ZNF569: variants seen among roughly 807,000 people sequenced by gnomAD.
ZNF569 encodes the protein DNA-binding protein.
Under a neutral mutation model 56.3 loss-of-function variants are expected in ZNF569, and 38 were observed. The ratio of observed to expected loss-of-function variants is 0.68; its 90% CI spans 0.52 to 0.88. ZNF569 has a LOEUF of 0.88. Ranked by LOEUF, ZNF569 falls within the 40% of genes least tolerant of loss-of-function variation. ZNF569 has a pLI of 0.00. For missense variants in ZNF569, 666 were observed against 809.2 expected, an observed-to-expected ratio of 0.82 and a Z score of 2.15; for synonymous variants, 241 against 262.9, an observed-to-expected ratio of 0.92 and a Z score of 0.81.
At chr19:37,450,627 T>TTTA (rs2041576529) in intron 2 of ZNF569, among the ~76,000 whole-genome samples, 1 of 152,140 alleles carries the variant, frequency 6.6e-6, no homozygotes, top group Non-Finnish European at 1.5e-5. Flanking sequence ...ATTTAATTTA[T>TTTA]TTATGCTCTC....
intron 2 of ZNF569, among the ~76,000 whole-genome samples, chr19:37,460,041 A>C (rs1353479806): frequency 1.3e-5 from 2 of 152,234 alleles, no homozygotes; most frequent in African/African-American, 2.4e-5. Context: ...GGAGAAGAGA[A>C]GAAACAAAAC....
intron 3 of ZNF569, among the ~76,000 whole-genome samples, chr19:37,434,851 C>G (rs1355805028): frequency 2.0e-5 from 3 of 152,158 alleles, no homozygotes; most frequent in Non-Finnish European, 4.4e-5. Context: ...AAACATTGCT[C>G]CTAACTCCAC....
chr19:37,466,416 G>A (rs2041837608), intron 1 of ZNF569, among the ~76,000 whole-genome samples: 1 of 152,044 alleles, frequency 6.6e-6, no homozygotes. Flanking sequence ...GATCACCTGC[G>A]GTCAGTTGTT....
chr19:37,462,868 T>C (rs1483803434), intron 2 of ZNF569, among the ~76,000 whole-genome samples: 1 of 152,192 alleles, frequency 6.6e-6, no homozygotes, highest in East Asian at 1.9e-4. Context: ...TCCTAGATCT[T>C]AGATCTCCCT....
At chr19:37,436,542 A>T (rs2041312243) in intron 3 of ZNF569, among the ~76,000 whole-genome samples, 1 of 151,954 alleles carries the variant, frequency 6.6e-6, no homozygotes, top group African/African-American at 2.4e-5. Context: ...AAAATAAAAA[A>T]ATCAGTTTTT....
chr19:37,426,734 T>C (rs1375174905), intron 3 of ZNF569, among the ~76,000 whole-genome samples: 2 of 152,158 alleles, frequency 1.3e-5, no homozygotes, highest in Non-Finnish European at 2.9e-5. Flanking sequence ...GTGAAATCTG[T>C]GGTATGGTGG....
intron 3 of ZNF569, among the ~76,000 whole-genome samples, chr19:37,444,232 G>A (rs2041455603): frequency 6.6e-6 from 1 of 152,080 alleles, no homozygotes; most frequent in Non-Finnish European, 1.5e-5. Context: ...GAGGTAACCA[G>A]TATTCTGACT....
At chr19:37,447,297 G>A (rs1435734116) in intron 2 of ZNF569, among the ~76,000 whole-genome samples, 1 of 152,180 alleles carries the variant, frequency 6.6e-6, no homozygotes. Context: ...GCACATGCAT[G>A]TTTATAGCAG....
intron 3 of ZNF569, among the ~76,000 whole-genome samples, chr19:37,431,994 G>A (rs1221670474): frequency 1.3e-5 from 2 of 152,090 alleles, no homozygotes; most frequent in African/African-American, 4.8e-5. Flanking sequence ...ATGTGGCTTG[G>A]GTGCCAGTCC....
chr19:37,448,415 A>G (rs2041533618), intron 2 of ZNF569, among the ~76,000 whole-genome samples: 1 of 151,238 alleles, frequency 6.6e-6, no homozygotes, highest in Non-Finnish European at 1.5e-5. Flanking sequence ...TGAGTGTGAC[A>G]CCCTATCTTT....
intron 3 of ZNF569, among the ~76,000 whole-genome samples, chr19:37,433,153 G>A (rs2041253442): frequency 6.6e-6 from 1 of 152,056 alleles, no homozygotes; most frequent in South Asian, 2.1e-4. Flanking sequence ...CTGGGCTCAA[G>A]TGATCCTCAT....
intron 2 of ZNF569, among the ~76,000 whole-genome samples, chr19:37,449,435 AAG>A (rs746787354): frequency 5.3e-5 from 8 of 152,320 alleles, no homozygotes; most frequent in Admixed American, 1.3e-4. Context: ...CGATTCCTGA[AAG>A]AGAAGTTTTA....
At chr19:37,447,854 C>G (rs1382103506) in intron 2 of ZNF569, among the ~76,000 whole-genome samples, 1 of 152,082 alleles carries the variant, frequency 6.6e-6, no homozygotes, top group Non-Finnish European at 1.5e-5. Flanking sequence ...CATCTACTAA[C>G]AGTCATATGT....
chr19:37,446,549 C>CAAAAAAA (rs74174464), intron 2 of ZNF569, among the ~76,000 whole-genome samples: 1 of 60,442 alleles, frequency 1.7e-5, no homozygotes, highest in Non-Finnish European at 3.2e-5. Context: ...GACTCCATCT[C>CAAAAAAA]AAAAAAAAAA....
At position 37,466,642 on chromosome 19, in the gene ZNF569, CA is replaced by C. The variant is rs989238006; in HGVS notation, c.-205+441del. ...CGAAACTCCATCTCAAAAACAAAAA[CA>C]AAAAAACAACGTATTTCCAATGACC... On this transcript the variant is annotated intron_variant, in intron 1 of 5. Coordinates refer to ENST00000316950, the MANE Select transcript of ZNF569 (RefSeq NM_152484.3). 40 of 152,156 alleles carry C rather than the reference CA, an allele frequency of 2.6e-4. No homozygotes were observed. In the Middle Eastern group the frequency reaches 0.01, roughly 38 times the overall value. 9.4% of individuals were successfully genotyped at this position (152,156 alleles called of 1,614,324 possible).
At chr19:37,451,598 A>G (rs1168143650) in intron 2 of ZNF569, among the ~76,000 whole-genome samples, 1 of 152,028 alleles carries the variant, frequency 6.6e-6, no homozygotes, top group Non-Finnish European at 1.5e-5. Flanking sequence ...TGTTTCTTTT[A>G]CATATTAGAT....
chr19:37,461,759 A>C (rs1287743656), intron 2 of ZNF569, among the ~76,000 whole-genome samples: 1 of 152,178 alleles, frequency 6.6e-6, no homozygotes, highest in East Asian at 1.9e-4. Flanking sequence ...TAAAATCCAC[A>C]GTCAAAACAA....
intron 3 of ZNF569, among the ~76,000 whole-genome samples, chr19:37,436,547 G>A (rs997250316): frequency 7.3e-5 from 11 of 151,512 alleles, no homozygotes; most frequent in Non-Finnish European, 1.6e-4. Context: ...AAAAAAATCA[G>A]TTTTTTAAAA....
chr19:37,420,957 T>G (rs2146874496), intron 5 of ZNF569, among the ~76,000 whole-genome samples: 1 of 152,358 alleles, frequency 6.6e-6, no homozygotes, highest in Non-Finnish European at 1.5e-5. Context: ...TTAGCAGGCA[T>G]GAAAACCAAC....
Sources: gnomAD v4.1 joint callset for allele counts (sites outside exome capture counted in the v4.1 genomes callset) on GRCh38, gnomAD v4.1.1 for gene constraint, MANE v1.5 for transcripts, NCBI Gene and HGNC (gene_info 2026-07-23, HGNC 2026-07-21) for gene names.